Variants in KHDC1 observed in about 807,000 individuals in gnomAD.
KHDC1 encodes KH domain containing 1.
A neutral mutation model predicts 24.7 loss-of-function variants in KHDC1; 21 were observed. The observed-to-expected ratio is 0.85, with a 90% confidence interval of 0.60 to 1.23. The LOEUF (loss-of-function observed/expected upper bound fraction) is 1.23, where lower values mean the gene tolerates loss of function less well. KHDC1 is among the 50% of genes most tolerant of loss of function. KHDC1 has a pLI of 0.00. For synonymous variants in KHDC1, 98 were observed against 111.7 expected, an observed-to-expected ratio of 0.88 and a Z score of 0.77; for missense variants, 274 against 298.5, an observed-to-expected ratio of 0.92 and a Z score of 0.61.
chr6:73,274,040 G>A lies in KHDC1; in HGVS notation c.206+17958C>T, dbSNP rs545254450. 2.0e-5 allele frequency: 3 copies of A among 152,080 alleles called. No homozygotes were observed. In the East Asian group the frequency reaches 5.8e-4, roughly 29 times the overall value. 9.4% of individuals were successfully genotyped at this position (152,080 alleles called of 1,614,324 possible). A position where few individuals can be genotyped will look rare whatever the true frequency, so the allele number is the denominator to read the frequency against. ...GATTGCTTGAATTTCGGGAGTTTGA[G>A]GCTACAGTGAAATACAATGGAGCCA... On this transcript the variant is annotated intron_variant, in intron 2 of 4. Coordinates refer to ENST00000370384, the Ensembl canonical transcript of KHDC1.
At position 73,242,085 on chromosome 6, in the gene KHDC1, C is replaced by T. The variant is rs181290286; in HGVS notation, c.484G>A (p.Gly162Arg). 1.1e-4 allele frequency: 171 copies of T among 1,613,784 alleles called. No homozygotes were observed. The African/African-American group carries it at 2.1e-3, about 20-fold the overall frequency. The change falls in exon 4 of 5, where the codon GGG (glycine) becomes AGG (arginine). Residue 162 changes from glycine to arginine, a missense_variant. Gly to Arg is a moderately radical substitution (Grantham distance 125). Coordinates refer to ENST00000370384, the Ensembl canonical transcript of KHDC1. ...GCATGATGATAGGAGTCCTGGCTCC[C>T]CACACAACAAAACATGTGCAGCAGC...
chr6:73,269,831 G>A (rs1293649257), intron 2 of KHDC1: 1 of 152,236 alleles, frequency 6.6e-6, no homozygotes, highest in South Asian at 2.1e-4. Context: ...GCAGTGGTGT[G>A]ATCATAGCTC....
chr6:73,268,680 CAG>C (rs1203128535), intron 2 of KHDC1: 1 of 152,360 alleles, frequency 6.6e-6, no homozygotes, highest in Non-Finnish European at 1.5e-5. Flanking sequence ...CAGCTAGATA[CAG>C]AGTGTTGACT....
At chr6:73,248,720 A>C (rs1766721178) in intron 2 of KHDC1, among the ~76,000 whole-genome samples, 1 of 152,148 alleles carries the variant, frequency 6.6e-6, no homozygotes, top group Middle Eastern at 3.2e-3. Flanking sequence ...CTTTCGAATG[A>C]ACAAATATTA....
intron 2 of KHDC1, among the ~76,000 whole-genome samples, chr6:73,271,121 A>C (rs1250105923): frequency 6.6e-6 from 1 of 152,150 alleles, no homozygotes; most frequent in Admixed American, 6.5e-5. Context: ...CACAATCAAT[A>C]CCCTTTATAA....
chr6:73,247,064 G>T (rs1752903527), intron 2 of KHDC1, among the ~76,000 whole-genome samples: 1 of 151,306 alleles, frequency 6.6e-6, no homozygotes, highest in Non-Finnish European at 1.5e-5. Flanking sequence ...TGTACCCTCT[G>T]CCTCCTGGGT....
chr6:73,290,106 C>CAAAAAAA (rs140342387), intron 2 of KHDC1, among the ~76,000 whole-genome samples: 986 of 85,800 alleles, frequency 0.011, 5 homozygotes, highest in East Asian at 0.022. Flanking sequence ...GACTCCGTCT[C>CAAAAAAA]AAAAAAAAAA....
intron 2 of KHDC1, among the ~76,000 whole-genome samples, chr6:73,254,094 A>G (rs1766833141): frequency 6.6e-6 from 1 of 152,216 alleles, no homozygotes; most frequent in Non-Finnish European, 1.5e-5. Flanking sequence ...GGAAACCATT[A>G]GCAAATATTT....
intron 1 of KHDC1, chr6:73,293,400 A>G (rs1767695616): frequency 2.6e-6 from 1 of 381,086 alleles, no homozygotes; most frequent in Admixed American, 4.3e-5. Flanking sequence ...AAGAATTGGA[A>G]TAAAATTGAC....
rs1397134686 is a variant in KHDC1 at position 73,257,681 on chromosome 6, G to A, written c.207-15151C>T. ...CAAAGTCCTGGGATTACAGGCGTGA[G>A]CCACCATGCCTGGCCCTTTTTGGTT... On this transcript the variant is annotated intron_variant, in intron 2 of 4. Coordinates refer to ENST00000370384, the Ensembl canonical transcript of KHDC1. 2.0e-5 allele frequency among the ~76,000 whole-genome samples: 3 copies of A among 151,992 alleles called. No homozygotes were observed. The East Asian group carries it at 5.8e-4, about 30-fold the overall frequency.
intron 2 of KHDC1, among the ~76,000 whole-genome samples, chr6:73,272,243 A>C (rs1767192554): frequency 6.6e-6 from 1 of 151,540 alleles, no homozygotes; most frequent in African/African-American, 2.4e-5. Flanking sequence ...GGCTCACTGC[A>C]ATCTCTGCCT....
At chr6:73,296,762 C>G (rs1424803151) in intron 1 of KHDC1, among the ~76,000 whole-genome samples, 1 of 152,140 alleles carries the variant, frequency 6.6e-6, no homozygotes, top group Non-Finnish European at 1.5e-5. Context: ...AAATCCACAT[C>G]ACATATGCCT....
chr6:73,263,523 G>A (rs906664174), intron 2 of KHDC1: 2 of 152,236 alleles, frequency 1.3e-5, no homozygotes, highest in Non-Finnish European at 2.9e-5. Context: ...CCCGATATGG[G>A]GTGAAAAACC....
intron 1 of KHDC1, among the ~76,000 whole-genome samples, chr6:73,309,085 T>C (rs1406217194): frequency 6.6e-6 from 1 of 152,216 alleles, no homozygotes; most frequent in African/African-American, 2.4e-5. Context: ...CCTCCCAAAG[T>C]GCAGGGATTA....
exon 1 of KHDC1, chr6:73,309,799 G>A: frequency 6.8e-7 from 1 of 1,466,896 alleles, no homozygotes. Flanking sequence ...CCGCCGGCGG[G>A]AAGAGACCAG....
At chr6:73,279,223 G>A (rs1482335863) in intron 2 of KHDC1, among the ~76,000 whole-genome samples, 1 of 152,084 alleles carries the variant, frequency 6.6e-6, no homozygotes, top group African/African-American at 2.4e-5. Context: ...CTTGGCCAAC[G>A]TGACGAAACC....
At chr6:73,271,485 G>A (rs1001067623) in intron 2 of KHDC1, among the ~76,000 whole-genome samples, 4 of 151,736 alleles carry the variant, frequency 2.6e-5, no homozygotes, top group South Asian at 2.1e-4. Context: ...GGGATTACAG[G>A]CGTAATCCAC....
chr6:73,254,542 G>GA (rs1281127284), intron 2 of KHDC1, among the ~76,000 whole-genome samples: 1 of 151,520 alleles, frequency 6.6e-6, no homozygotes, highest in African/African-American at 2.4e-5. Flanking sequence ...GAAATTACAA[G>GA]AAAGTGTTTC....
At chr6:73,274,037 T>G (rs1362459767) in intron 2 of KHDC1, 1 of 152,096 alleles carries the variant, frequency 6.6e-6, no homozygotes, top group Non-Finnish European at 1.5e-5. Context: ...TTCGGGAGTT[T>G]GAGGCTACAG....
Sources: gnomAD v4.1 joint callset for allele counts (sites outside exome capture counted in the v4.1 genomes callset) on GRCh38, gnomAD v4.1.1 for gene constraint, MANE v1.5 for transcripts, NCBI Gene and HGNC (gene_info 2026-07-23, HGNC 2026-07-21) for gene names.